Variants in MRC2 observed in about 807,000 individuals in gnomAD.
MRC2 encodes the protein mannose receptor C-type 2.
A neutral mutation model predicts 206.2 loss-of-function variants in MRC2; 84 were observed. That is an observed-to-expected ratio of 0.41 (90% CI 0.34 to 0.49). MRC2 has a LOEUF of 0.49. Ranked by LOEUF, MRC2 falls within the 20% of genes least tolerant of loss-of-function variation. The probability of loss-of-function intolerance (pLI) is 0.31; values close to 1 mark genes in which losing one functional copy is unlikely to be tolerated. For missense variants in MRC2, 1,676 were observed against 2,001.5 expected (o/e 0.84, Z 3.10); for synonymous variants, 798 against 800.0 (o/e 1.00, Z 0.04).
Position 62,688,331 on chromosome 17 carries a change from T to G in MRC2, c.2989T>G (p.Trp997Gly), listed in dbSNP as rs759681573. 3.1e-6 allele frequency: 5 copies of G among 1,614,140 alleles called. No individual in the cohort carries two copies. The Admixed American group carries it at 6.7e-5, about 22-fold the overall frequency. ...CCAGGAACCCCAGAGCCGGGTGAAG[T>G]GGTCAGAGGCACAGTTCTCCTGTGA... is the stretch of plus-strand genomic sequence containing the variant. ...QGQEPQSRVK[W>G]SEAQFSCEQQ... The change falls in exon 21 of 30, where the codon TGG (tryptophan) becomes GGG (glycine). Residue 997 changes from tryptophan to glycine, a missense_variant. By Grantham distance (184) the Trp-to-Gly change is radical (BLOSUM62 -2). Coordinates refer to ENST00000303375, the MANE Select transcript of MRC2 (RefSeq NM_006039.5).
chr17:62,659,394 G>T (rs2088654914), intron 1 of MRC2, among the ~76,000 whole-genome samples: 1 of 152,158 alleles, frequency 6.6e-6, no homozygotes, highest in African/African-American at 2.4e-5. Flanking sequence ...ACAAAAATTA[G>T]CTGAGCATGG....
At chr17:62,655,542 A>AAAAC (rs571340901) in intron 1 of MRC2, among the ~76,000 whole-genome samples, 51 of 151,004 alleles carry the variant, frequency 3.4e-4, no homozygotes, top group African/African-American at 9.0e-4. Context: ...ACTCCATCTC[A>AAAAC]AAACAAACAA....
rs2084179570 is a variant in MRC2 at position 62,627,758 on chromosome 17, C to G, written c.-45C>G. ...TCGGGGCTGCCACAGCGCGTTGCGC[C>G]TGTGCGCCCTCGGTCCCCGCGTCCA... On this transcript the variant is annotated 5_prime_UTR_variant, in exon 1 of 30. Coordinates refer to ENST00000303375, the MANE Select transcript of MRC2 (RefSeq NM_006039.5). The G allele has an allele frequency of 3.7e-6, 5 of 1,340,934 alleles. No individual in the cohort carries two copies. Among genetic ancestry groups the G allele is most frequent in the Non-Finnish European group, 4.8e-6 (5 of 1,046,154 alleles). 83.1% of individuals were successfully genotyped at this position (1,340,934 alleles called of 1,614,324 possible).
At chr17:62,679,776 C>T (rs1377789394) in intron 13 of MRC2, 24 bp from the exon 14 acceptor site, 1 of 1,609,408 alleles carries the variant, frequency 6.2e-7, no homozygotes, top group Non-Finnish European at 8.5e-7. Context: ...TCTCTTCCGT[C>T]CCCACTCCTG....
chr17:62,636,250 C>CA (rs11363983), intron 1 of MRC2, among the ~76,000 whole-genome samples: 21 of 136,804 alleles, frequency 1.5e-4, no homozygotes, highest in Admixed American at 3.0e-4. Context: ...GACCCTGTCG[C>CA]AAAAAAAAAA....
intron 1 of MRC2, among the ~76,000 whole-genome samples, chr17:62,638,826 C>G (rs2088362032): frequency 1.3e-5 from 2 of 150,882 alleles, no homozygotes; most frequent in South Asian, 4.2e-4. Flanking sequence ...ATTGAGGCTG[C>G]TCTTGAACTC....
intron 1 of MRC2, among the ~76,000 whole-genome samples, chr17:62,641,101 A>G (rs1314751212): frequency 6.6e-6 from 1 of 151,688 alleles, no homozygotes; most frequent in East Asian, 1.9e-4. Flanking sequence ...TCAGCCTCTC[A>G]AAGTGCTGGA....
rs1190595031 is a variant in MRC2 at position 62,680,936 on chromosome 17, C to T, written c.2610C>T (p.Asp870=). 2 of 1,613,086 alleles carry T rather than the reference C, an allele frequency of 1.2e-6. No homozygotes were observed. Among genetic ancestry groups the T allele is most frequent in the South Asian group, 1.1e-5 (1 of 91,062 alleles). Residue 870 remains aspartate, a synonymous_variant, in exon 17 of 30, where the codon GAC becomes GAT. Transcript: ENST00000303375. This position sits in a 1 kb window ranked among gnomAD's most constrained non-coding sequence, Gnocchi z 4.8. ...LTSVHSQAEL[D]FLSHNLQKFS... is the part of the protein sequence containing the mutation. ...CGGTGCACAGCCAGGCGGAGCTAGA[C>T]TTCCTGAGCCACAACTTGCAGAAGG...
chr17:62,660,512 G>A (rs886982377), intron 1 of MRC2, among the ~76,000 whole-genome samples: 13 of 152,156 alleles, frequency 8.5e-5, no homozygotes, highest in Non-Finnish European at 1.8e-4. Flanking sequence ...CCAAGTTTGA[G>A]GGGCTTAGTA....
intron 23 of MRC2, 45 bp from the exon 24 acceptor site, chr17:62,689,477 T>C (rs746835953): frequency 2.3e-6 from 3 of 1,309,830 alleles, no homozygotes; most frequent in Middle Eastern, 2.7e-4. Context: ...GGGAACGGGG[T>C]GAGGGAAGCA....
chr17:62,637,682 C>A (rs1046187428), intron 1 of MRC2, among the ~76,000 whole-genome samples: 1 of 152,122 alleles, frequency 6.6e-6, no homozygotes, highest in African/African-American at 2.4e-5. Flanking sequence ...GCCAGGAGCA[C>A]CAGCTTCCCA....
intron 1 of MRC2, among the ~76,000 whole-genome samples, chr17:62,635,006 G>C (rs913978358): frequency 1.3e-5 from 2 of 151,316 alleles, no homozygotes; most frequent in Non-Finnish European, 1.5e-5. Flanking sequence ...AATTTTTGTA[G>C]TTTTAGTGGA....
chr17:62,657,295 C>G (rs1432786420), intron 1 of MRC2, among the ~76,000 whole-genome samples: 2 of 152,344 alleles, frequency 1.3e-5, no homozygotes, highest in African/African-American at 2.4e-5. Flanking sequence ...ACAATACCCT[C>G]AGTGCCTGAT....
intron 1 of MRC2, among the ~76,000 whole-genome samples, chr17:62,633,732 T>TG (rs1359827460): frequency 6.8e-6 from 1 of 147,848 alleles, no homozygotes; most frequent in East Asian, 2.0e-4. Flanking sequence ...TCCCAGCTAC[T>TG]GGGCAGGCTG....
chr17:62,676,243 G>A (rs905168299), intron 10 of MRC2, 140 bp from the exon 11 acceptor site: 1 of 1,029,004 alleles, frequency 9.7e-7, no homozygotes, highest in Non-Finnish European at 1.4e-6. Context: ...ATCAGCTGCA[G>A]GGCTCCCAGG....
At chr17:62,684,358 T>G (rs2089007322) in intron 20 of MRC2, among the ~76,000 whole-genome samples, 1 of 152,178 alleles carries the variant, frequency 6.6e-6, no homozygotes, top group African/African-American at 2.4e-5. Context: ...GGAGGATCAC[T>G]TGAAGCCAGG....
At chr17:62,628,993 C>T (rs538756884) in intron 1 of MRC2, among the ~76,000 whole-genome samples, 23 of 152,282 alleles carry the variant, frequency 1.5e-4, no homozygotes, top group Non-Finnish European at 3.2e-4. Context: ...CTGGGTTGGC[C>T]TGGCGTGACG....
Position 62,680,717 on chromosome 17 carries a change from C to T in MRC2, c.2474-83C>T. The T allele has an allele frequency of 7.1e-7, 1 of 1,401,456 alleles. No homozygotes were observed. Among genetic ancestry groups the T allele is most frequent in the Non-Finnish European group, 9.3e-7 (1 of 1,079,796 alleles). The allele number at this position is 1,401,456 out of a possible 1,614,324, so 86.8% of individuals were successfully genotyped here. Reference sequence around the variant, plus strand: ...CTCGCCTGCTGCCGCCTGGCTCTGCCCCGGCCCTGCCGCGCCCGCCTCCGG... The same window carrying T: ...CTCGCCTGCTGCCGCCTGGCTCTGCTCCGGCCCTGCCGCGCCCGCCTCCGG... On this transcript the variant is annotated intron_variant, in intron 16 of 29. Transcript: ENST00000303375. The surrounding 1 kb of genome is among the most constrained non-coding windows in gnomAD (Gnocchi z 4.8).
chr17:62,691,928 GA>G (rs1180567457), intron 28 of MRC2, among the ~76,000 whole-genome samples, 183 bp from the exon 29 acceptor site: 1 of 152,222 alleles, frequency 6.6e-6, no homozygotes, highest in African/African-American at 2.4e-5. Context: ...CTTTCTGGGG[GA>G]ACCTGAAGTC....
Sources: allele counts gnomAD v4.1 joint callset (sites outside exome capture counted in the v4.1 genomes callset), GRCh38; gene constraint gnomAD v4.1.1; non-coding constraint Gnocchi (gnomAD v3.1); transcripts MANE v1.5; gene names NCBI Gene and HGNC (gene_info 2026-07-23, HGNC 2026-07-21).